The following NKAIN2 variants were observed in gnomAD, a reference collection of about 807,000 sequenced individuals.
NKAIN2 encodes the protein sodium/potassium-transporting ATPase subunit beta-1-interacting protein 2.
In NKAIN2, 14 loss-of-function variants were observed where a neutral mutation model predicts 32.6. The observed-to-expected ratio is 0.43, with a 90% CI of 0.28 to 0.67. The LOEUF is 0.67. Ranked by LOEUF, NKAIN2 falls within the 30% of genes least tolerant of loss-of-function variation. The pLI is 0.17. For synonymous variants in NKAIN2, 80 were observed against 87.2 expected, an observed-to-expected ratio of 0.92 and a Z score of 0.46; for missense variants, 198 against 258.3, an observed-to-expected ratio of 0.77 and a Z score of 1.60.
intron 2 of NKAIN2, among the ~76,000 whole-genome samples, chr6:124,329,418 G>A (rs1419185218): frequency 6.6e-6 from 1 of 152,172 alleles, no homozygotes; most frequent in Non-Finnish European, 1.5e-5. Context: ...CTGGGTGGCA[G>A]CTATGGTTTA....
intron 1 of NKAIN2, among the ~76,000 whole-genome samples, chr6:124,110,189 G>T (rs1163296809): frequency 2.1e-5 from 3 of 146,020 alleles, no homozygotes; most frequent in African/African-American, 5.1e-5. Flanking sequence ...TACTATTATC[G>T]AGTGCAGTTT....
At chr6:123,923,365 TG>T (rs1277339544) in intron 1 of NKAIN2, among the ~76,000 whole-genome samples, 1 of 152,022 alleles carries the variant, frequency 6.6e-6, no homozygotes, top group Non-Finnish European at 1.5e-5. Flanking sequence ...TTTTTTTTTT[TG>T]GCAGGAGTGG....
chr6:124,315,450 C>T (rs1023880551), intron 2 of NKAIN2, among the ~76,000 whole-genome samples: 2 of 151,604 alleles, frequency 1.3e-5, no homozygotes, highest in African/African-American at 4.9e-5. Flanking sequence ...AAAAGAAAAT[C>T]TCATAAAGCT....
chr6:123,982,811 C>G (rs1778959048), intron 1 of NKAIN2, among the ~76,000 whole-genome samples: 1 of 152,040 alleles, frequency 6.6e-6, no homozygotes, highest in Admixed American at 6.6e-5. Flanking sequence ...TTGCAATAAT[C>G]TAATAAACAG....
intron 3 of NKAIN2, among the ~76,000 whole-genome samples, chr6:124,455,593 G>C (rs887238354): frequency 4.6e-5 from 7 of 151,592 alleles, no homozygotes; most frequent in Non-Finnish European, 1.0e-4. Flanking sequence ...TAGTCTCTTT[G>C]GTTTGATTCC....
rs370304204 is a variant in NKAIN2 at position 123,864,733 on chromosome 6, T to C, written c.54+60479T>C. Among the ~76,000 whole-genome samples the C allele has an allele frequency of 3.3e-5, 5 of 152,286 alleles. No individual in the cohort carries two copies. In the East Asian group the frequency reaches 5.8e-4, roughly 18 times the overall value. ...AGTGAGCTTGGCTAAGTTAAAATTT[T>C]AAAATATATTAAGAATAAAAATTCA... On this transcript the variant is annotated intron_variant, in intron 1 of 6. Transcript: ENST00000368417.
At chr6:124,309,982 C>T (rs988166337) in intron 2 of NKAIN2, among the ~76,000 whole-genome samples, 4 of 152,184 alleles carry the variant, frequency 2.6e-5, no homozygotes, top group South Asian at 2.1e-4. Context: ...GGTAAAATTA[C>T]TTAGTTCAGC....
At chr6:124,488,868 A>G (rs913522123) in intron 3 of NKAIN2, among the ~76,000 whole-genome samples, 1 of 151,944 alleles carries the variant, frequency 6.6e-6, no homozygotes, top group East Asian at 1.9e-4. Flanking sequence ...TGGTTTCCCC[A>G]GGGCATTATC....
intron 1 of NKAIN2, among the ~76,000 whole-genome samples, chr6:123,931,960 A>AG (rs1464037129): frequency 6.6e-6 from 1 of 152,190 alleles, no homozygotes; most frequent in African/African-American, 2.4e-5. Context: ...GCTTCCTCCA[A>AG]GGTCACTCAA....
chr6:124,206,914 G>A (rs922921286), intron 1 of NKAIN2, among the ~76,000 whole-genome samples: 2 of 151,560 alleles, frequency 1.3e-5, no homozygotes, highest in Non-Finnish European at 2.9e-5. Context: ...TCCAAAATAC[G>A]GGATTAACAT....
chr6:124,695,171 G>GA (rs11291618), intron 4 of NKAIN2, among the ~76,000 whole-genome samples: 247 of 121,650 alleles, frequency 2.0e-3, no homozygotes, highest in Middle Eastern at 4.0e-3. Flanking sequence ...AGCCTACCCA[G>GA]AAAAAAAAAA....
At chr6:124,264,898 G>A (rs1007652072) in intron 1 of NKAIN2, among the ~76,000 whole-genome samples, 49 of 152,176 alleles carry the variant, frequency 3.2e-4, no homozygotes, top group Non-Finnish European at 7.4e-5. Flanking sequence ...TCTTTAATAT[G>A]TTTAAAATCT....
At chr6:124,002,597 T>C (rs1779925095) in intron 1 of NKAIN2, among the ~76,000 whole-genome samples, 1 of 152,116 alleles carries the variant, frequency 6.6e-6, no homozygotes, top group Admixed American at 6.5e-5. Context: ...TAGACTATGA[T>C]CTCCACCTTC....
intron 3 of NKAIN2, among the ~76,000 whole-genome samples, chr6:124,656,358 C>T (rs1364592015): frequency 6.6e-6 from 1 of 152,134 alleles, no homozygotes; most frequent in Non-Finnish European, 1.5e-5. Flanking sequence ...CTTCTTCCTT[C>T]CTGTAGGGAA....
chr6:124,183,618 T>C (rs1325233584), intron 1 of NKAIN2, among the ~76,000 whole-genome samples: 1 of 152,114 alleles, frequency 6.6e-6, no homozygotes, highest in African/African-American at 2.4e-5. Flanking sequence ...AAAAACACTC[T>C]TTTTTCTTCA....
rs906468610 is a variant in NKAIN2, at chr6:124,194,374, A to G, written c.55-88631A>G. The stretch of plus-strand genomic sequence containing the variant: ...GTTTTCTTTTTATCTTCCTTTCAAC[A>G]TATCTGTTTCTGTTATTTAATGAGC... On this transcript the variant is annotated intron_variant, in intron 1 of 6. Transcript: ENST00000368417. Among the ~76,000 whole-genome samples the G allele has an allele frequency of 2.6e-4, 39 of 151,718 alleles. 1 individual carries two copies. Among genetic ancestry groups the G allele is most frequent in the Non-Finnish European group, 5.6e-4 (38 of 67,970 alleles).
intron 1 of NKAIN2, among the ~76,000 whole-genome samples, chr6:123,874,593 C>G (rs1773075104): frequency 6.6e-6 from 1 of 152,014 alleles, no homozygotes; most frequent in Non-Finnish European, 1.5e-5. Context: ...AAACAAAATA[C>G]TAATGCAATT....
At chr6:124,441,963 A>G (rs766646655) in intron 3 of NKAIN2, among the ~76,000 whole-genome samples, 1 of 152,054 alleles carries the variant, frequency 6.6e-6, no homozygotes, top group Non-Finnish European at 1.5e-5. Flanking sequence ...AAATGGGCCC[A>G]TGTACATTTA....
At chr6:124,201,060 A>G (rs922898974) in intron 1 of NKAIN2, among the ~76,000 whole-genome samples, 6 of 152,092 alleles carry the variant, frequency 3.9e-5, no homozygotes, top group African/African-American at 1.4e-4. Flanking sequence ...TTAAATTAAT[A>G]CATAGACTTA....
Sources: gnomAD v4.1 joint callset for allele counts (sites outside exome capture counted in the v4.1 genomes callset) on GRCh38, gnomAD v4.1.1 for gene constraint, MANE v1.5 for transcripts, NCBI Gene and HGNC (gene_info 2026-07-23, HGNC 2026-07-21) for gene names.